ABTB3: variants seen among roughly 807,000 people sequenced by gnomAD.
ABTB3 encodes the protein ankyrin repeat- and BTB/POZ domain-containing protein 3.
the ABTB3 span, among the ~76,000 whole-genome samples, chr12:107,602,117 G>A: frequency 4.6e-5 from 7 of 152,188 alleles, no homozygotes; most frequent in Non-Finnish European, 8.8e-5. Flanking sequence ...GGAGGGCCAC[G>A]AGCCTGGTAG....
At chr12:107,441,562 C>T in the ABTB3 span, among the ~76,000 whole-genome samples, 4 of 151,984 alleles carry the variant, frequency 2.6e-5, no homozygotes, top group African/African-American at 9.7e-5. Flanking sequence ...CACCGTGGCA[C>T]ACGTTTACCT....
chr12:107,552,555 C>G, the ABTB3 span, among the ~76,000 whole-genome samples: 6 of 152,126 alleles, frequency 3.9e-5, no homozygotes, highest in Admixed American at 6.5e-5. Flanking sequence ...CATTGGATAG[C>G]CTTCAAAAGC....
the ABTB3 span, among the ~76,000 whole-genome samples, chr12:107,445,045 G>A: frequency 6.6e-6 from 1 of 152,214 alleles, no homozygotes; most frequent in Non-Finnish European, 1.5e-5. Flanking sequence ...GCCTCTGATC[G>A]TGGCTCTCCC....
the ABTB3 span, among the ~76,000 whole-genome samples, chr12:107,415,719 A>AG: frequency 1.3e-5 from 2 of 150,934 alleles, no homozygotes; most frequent in East Asian, 4.0e-4. Context: ...ACCAAAAAAA[A>AG]CAAAACAAAA....
the ABTB3 span, among the ~76,000 whole-genome samples, chr12:107,593,904 C>G: frequency 6.6e-6 from 1 of 152,152 alleles, no homozygotes; most frequent in South Asian, 2.1e-4. Context: ...CGTCACTTCC[C>G]CTCACTTCCT....
chr12:107,657,610 C>T, the ABTB3 span: 3 of 1,614,158 alleles, frequency 1.9e-6, no homozygotes, highest in Non-Finnish European at 8.5e-7. Context: ...TCCTGTATGA[C>T]AAAAATGGTG....
At chr12:107,557,489 T>G in the ABTB3 span, among the ~76,000 whole-genome samples, 1 of 152,248 alleles carries the variant, frequency 6.6e-6, no homozygotes, top group Non-Finnish European at 1.5e-5. Flanking sequence ...CTTAAATCTT[T>G]ACTTCAATAT....
chr12:107,448,868 G>A, the ABTB3 span, among the ~76,000 whole-genome samples: 2 of 152,208 alleles, frequency 1.3e-5, no homozygotes, highest in Non-Finnish European at 2.9e-5. Context: ...ACCACACCTG[G>A]CCCCAGAGCC....
the ABTB3 span, among the ~76,000 whole-genome samples, chr12:107,463,378 G>T: frequency 6.6e-6 from 1 of 152,100 alleles, no homozygotes. Context: ...TGATGGTATT[G>T]ATGATGATGA....
the ABTB3 span, chr12:107,612,738 C>T: frequency 4.5e-6 from 7 of 1,555,822 alleles, no homozygotes; most frequent in South Asian, 1.2e-5. Context: ...CCACAGCCAC[C>T]TTGTAAACGT....
chr12:107,440,080 A>G, the ABTB3 span, among the ~76,000 whole-genome samples: 1 of 150,564 alleles, frequency 6.6e-6, no homozygotes, highest in Non-Finnish European at 1.5e-5. Context: ...ACCTGGGAAC[A>G]CCTCCCCCCG....
chr12:107,621,648 A>G, the ABTB3 span, among the ~76,000 whole-genome samples: 1 of 152,214 alleles, frequency 6.6e-6, no homozygotes, highest in African/African-American at 2.4e-5. Flanking sequence ...GGATTTTCAT[A>G]AGATAGACAA....
chr12:107,507,623 TG>T, the ABTB3 span, among the ~76,000 whole-genome samples: 1 of 152,194 alleles, frequency 6.6e-6, no homozygotes, highest in Admixed American at 6.5e-5. Context: ...CTCCATGATC[TG>T]GCCCCTGCCC....
At chr12:107,583,987 T>A in the ABTB3 span, among the ~76,000 whole-genome samples, 2 of 152,220 alleles carry the variant, frequency 1.3e-5, no homozygotes, top group Non-Finnish European at 1.5e-5. Context: ...AAAACTGAAA[T>A]ATTCAGTTAG....
chr12:107,446,992 A>G, the ABTB3 span, among the ~76,000 whole-genome samples: 1 of 152,342 alleles, frequency 6.6e-6, no homozygotes, highest in East Asian at 1.9e-4. Flanking sequence ...TTGAAAGGTT[A>G]TCACCCACTC....
the ABTB3 span, among the ~76,000 whole-genome samples, chr12:107,493,981 TAAGTGTAG>T: frequency 6.6e-6 from 1 of 152,226 alleles, no homozygotes; most frequent in Admixed American, 6.5e-5. Flanking sequence ...TTTAAGCCAG[TAAGTGTAG>T]AACTTTGTTA....
the ABTB3 span, among the ~76,000 whole-genome samples, chr12:107,413,589 T>C: frequency 6.6e-6 from 1 of 152,184 alleles, no homozygotes; most frequent in Non-Finnish European, 1.5e-5. Context: ...ACCAGCTCAG[T>C]TCCATGGGGG....
chr12:107,580,739 C>A, the ABTB3 span: 1 of 1,320,586 alleles, frequency 7.6e-7, no homozygotes, highest in Non-Finnish European at 1.0e-6. Flanking sequence ...AATCAGGGAG[C>A]CCCAAATAGA....
At chr12:107,615,097 C>T in the ABTB3 span, 2 of 1,613,948 alleles carry the variant, frequency 1.2e-6, no homozygotes, top group South Asian at 2.2e-5. Flanking sequence ...ATCCGTCCAC[C>T]CCGAGACCCG....
Sources: gnomAD v4.1 joint callset for allele counts (sites outside exome capture counted in the v4.1 genomes callset) on GRCh38, gnomAD v4.1.1 for gene constraint, MANE v1.5 for transcripts, NCBI Gene and HGNC (gene_info 2026-07-23, HGNC 2026-07-21) for gene names.